HDAC9: variants seen among roughly 807,000 people sequenced by gnomAD.
The protein encoded by HDAC9 is histone deacetylase 9, also known as MEF-2 interacting transcription repressor (MITR) protein.
Under a neutral mutation model 139.4 loss-of-function variants are expected in HDAC9, and 41 were observed. That is an observed-to-expected ratio of 0.29 (90% CI 0.23 to 0.38). The LOEUF (loss-of-function observed/expected upper bound fraction) is 0.38. Among genes scored for constraint, HDAC9 ranks in the 10% least tolerant of loss-of-function variants. HDAC9 has a pLI of 1.00. For synonymous variants in HDAC9, 517 were observed against 476.2 expected (o/e 1.09, Z -1.12); for missense variants, 1,147 against 1,297.0 (o/e 0.88, Z 1.78).
intron 12 of HDAC9, among the ~76,000 whole-genome samples, chr7:18,701,464 T>C (rs1037520116): frequency 6.6e-6 from 1 of 151,316 alleles, no homozygotes; most frequent in Non-Finnish European, 1.5e-5. Flanking sequence ...ACACCAGTAC[T>C]ATGAAACTCA....
chr7:18,401,032 A>T (rs558546203), intron 1 of HDAC9, among the ~76,000 whole-genome samples: 17 of 152,280 alleles, frequency 1.1e-4, no homozygotes, highest in African/African-American at 4.1e-4. Flanking sequence ...AATCTTTTGT[A>T]GGCTGTTTAT....
chr7:18,804,669 C>T (rs902645112), intron 17 of HDAC9, among the ~76,000 whole-genome samples: 17 of 152,154 alleles, frequency 1.1e-4, no homozygotes, highest in Non-Finnish European at 4.4e-5. Context: ...TGGATATTTA[C>T]CATGCATACT....
chr7:18,596,858 G>T (rs1832648646), intron 6 of HDAC9, among the ~76,000 whole-genome samples: 1 of 152,088 alleles, frequency 6.6e-6, no homozygotes, highest in Non-Finnish European at 1.5e-5. Flanking sequence ...TCAGCAATAT[G>T]TATTAGCAAG....
intron 2 of HDAC9, among the ~76,000 whole-genome samples, chr7:18,193,480 G>A (rs1404174558): frequency 6.6e-6 from 1 of 152,130 alleles, no homozygotes; most frequent in Non-Finnish European, 1.5e-5. Context: ...ATTTACTGAA[G>A]TAAAAGGGGG....
intron 9 of HDAC9, among the ~76,000 whole-genome samples, chr7:18,646,242 A>T (rs1266892228): frequency 6.6e-6 from 1 of 152,088 alleles, no homozygotes; most frequent in East Asian, 1.9e-4. Flanking sequence ...TTATTTTTGT[A>T]TGTTCTAAGC....
chr7:18,112,649 A>T (rs1256668943), intron 1 of HDAC9, among the ~76,000 whole-genome samples: 1 of 152,202 alleles, frequency 6.6e-6, no homozygotes, highest in Non-Finnish European at 1.5e-5. Context: ...TCAGTAAAGG[A>T]TATTATATGT....
intron 2 of HDAC9, among the ~76,000 whole-genome samples, chr7:18,198,378 AATTTT>A (rs1790871685): frequency 6.6e-6 from 1 of 152,128 alleles, no homozygotes; most frequent in African/African-American, 2.4e-5. Flanking sequence ...TTCTTATGGA[AATTTT>A]ATTCTATTAC....
At chr7:18,329,408 CAT>C (rs1339689931) in intron 1 of HDAC9, among the ~76,000 whole-genome samples, 1 of 151,626 alleles carries the variant, frequency 6.6e-6, no homozygotes, top group African/African-American at 2.4e-5. Context: ...ATCAAAATAA[CAT>C]ATTGTACTCC....
intron 21 of HDAC9, among the ~76,000 whole-genome samples, chr7:18,836,715 A>G (rs1796263357): frequency 6.6e-6 from 1 of 152,146 alleles, no homozygotes; most frequent in Non-Finnish European, 1.5e-5. Flanking sequence ...TCTGGAATTA[A>G]GAAAATATTA....
chr7:18,767,370 G>A (rs1360902902), intron 16 of HDAC9, among the ~76,000 whole-genome samples: 1 of 152,140 alleles, frequency 6.6e-6, no homozygotes, highest in Non-Finnish European at 1.5e-5. Context: ...TGGCAATACA[G>A]AATTAAACCA....
chr7:18,624,090 A>G (rs942574761), intron 6 of HDAC9, among the ~76,000 whole-genome samples: 1 of 152,144 alleles, frequency 6.6e-6, no homozygotes, highest in Non-Finnish European at 1.5e-5. Context: ...ACACATATCA[A>G]TCTCTTAGTA....
intron 21 of HDAC9, among the ~76,000 whole-genome samples, chr7:18,863,762 G>A (rs1387613498): frequency 6.6e-6 from 1 of 152,180 alleles, no homozygotes; most frequent in Non-Finnish European, 1.5e-5. Flanking sequence ...AATGACAGAG[G>A]TGGGGTAGGC....
At chr7:18,901,231 C>A (rs1012053451) in intron 22 of HDAC9, among the ~76,000 whole-genome samples, 5 of 148,520 alleles carry the variant, frequency 3.4e-5, no homozygotes, top group Non-Finnish European at 5.9e-5. Flanking sequence ...TACACACACA[C>A]ACACACACAC....
intron 16 of HDAC9, among the ~76,000 whole-genome samples, chr7:18,771,692 C>A (rs912453255): frequency 2.6e-5 from 4 of 151,890 alleles, no homozygotes; most frequent in Non-Finnish European, 5.9e-5. Context: ...ATTTATTCTC[C>A]CCAGTACCAG....
intron 1 of HDAC9, among the ~76,000 whole-genome samples, chr7:18,150,940 T>A (rs1339247333): frequency 6.6e-6 from 1 of 152,230 alleles, no homozygotes; most frequent in Non-Finnish European, 1.5e-5. Flanking sequence ...GGAGCTGATA[T>A]GATTTACCAG....
At chr7:18,663,572 GTTC>G (rs1793886167) in intron 11 of HDAC9, among the ~76,000 whole-genome samples, 1 of 151,894 alleles carries the variant, frequency 6.6e-6, no homozygotes, top group South Asian at 2.1e-4. Context: ...ATCCCGTATA[GTTC>G]TTCTGCTATC....
intron 12 of HDAC9, among the ~76,000 whole-genome samples, chr7:18,704,093 A>G (rs908603874): frequency 6.6e-6 from 1 of 152,188 alleles, no homozygotes; most frequent in South Asian, 2.1e-4. Context: ...TGTAACTGGC[A>G]TTTGCTAGAT....
chr7:18,824,381 G>A (rs879041424), intron 17 of HDAC9, among the ~76,000 whole-genome samples: 1 of 152,174 alleles, frequency 6.6e-6, no homozygotes, highest in Admixed American at 6.5e-5. Context: ...GTATATGCAA[G>A]GAAGTAAATT....
intron 6 of HDAC9, among the ~76,000 whole-genome samples, chr7:18,607,670 T>C (rs529732738): frequency 2.6e-5 from 4 of 152,348 alleles, no homozygotes; most frequent in African/African-American, 7.2e-5. Context: ...TTGTCACTAA[T>C]ACATGACTAT....
Sources: gnomAD v4.1 joint callset for allele counts (sites outside exome capture counted in the v4.1 genomes callset) on GRCh38, gnomAD v4.1.1 for gene constraint, MANE v1.5 for transcripts, NCBI Gene and HGNC (gene_info 2026-07-23, HGNC 2026-07-21) for gene names.